TRHDE: variants seen among roughly 807,000 people sequenced by gnomAD.
The protein encoded by TRHDE is thyrotropin releasing hormone degrading enzyme.
In TRHDE, 72 loss-of-function variants were observed where a neutral mutation model predicts 125.7. That is an observed-to-expected ratio of 0.57 (90% CI 0.47 to 0.70). The LOEUF is 0.70. TRHDE is among the 30% of genes least tolerant of loss of function. The pLI is 0.00. For missense variants in TRHDE, 1,110 were observed against 1,327.1 expected, an observed-to-expected ratio of 0.84 and a Z score of 2.54; for synonymous variants, 509 against 509.1, an observed-to-expected ratio of 1.00 and a Z score of 0.00.
intron 2 of TRHDE, among the ~76,000 whole-genome samples, chr12:72,198,844 A>G (rs943627299): frequency 6.6e-6 from 1 of 152,114 alleles, no homozygotes; most frequent in South Asian, 2.1e-4. Flanking sequence ...ATTGACTCAC[A>G]GTTCTGCATG....
chr12:72,372,709 G>A (rs1001007106), intron 2 of TRHDE, among the ~76,000 whole-genome samples: 1 of 152,162 alleles, frequency 6.6e-6, no homozygotes, highest in East Asian at 1.9e-4. Flanking sequence ...TAGATATGCG[G>A]CACTATTTCT....
chr12:72,305,747 A>G (rs1402232836), intron 2 of TRHDE, among the ~76,000 whole-genome samples: 1 of 152,220 alleles, frequency 6.6e-6, no homozygotes, highest in Non-Finnish European at 1.5e-5. Flanking sequence ...TTTATGGTTG[A>G]AGATGTGAAG....
At chr12:72,133,686 A>G (rs1014513455) in intron 2 of TRHDE, among the ~76,000 whole-genome samples, 5 of 152,196 alleles carry the variant, frequency 3.3e-5, no homozygotes, top group African/African-American at 9.6e-5. Context: ...CCCTTGTTGC[A>G]TGCCAAAGGC....
intron 3 of TRHDE, among the ~76,000 whole-genome samples, chr12:72,402,615 A>C (rs1222093637): frequency 6.6e-6 from 1 of 152,210 alleles, no homozygotes; most frequent in African/African-American, 2.4e-5. Flanking sequence ...TATCATCTTA[A>C]GTTGATCCTG....
intron 2 of TRHDE, among the ~76,000 whole-genome samples, chr12:72,238,849 C>T (rs1878417339): frequency 6.6e-6 from 1 of 152,170 alleles, no homozygotes; most frequent in East Asian, 1.9e-4. Context: ...CCACAATAAA[C>T]ATATGTGTGC....
Position 72,530,553 on chromosome 12 carries a change from T to A in TRHDE, c.1723-11738T>A, listed in dbSNP as rs564786182. 5.7e-4 allele frequency among the ~76,000 whole-genome samples: 86 copies of A among 151,328 alleles called. 4 individuals are homozygous for A. In the South Asian group the frequency reaches 0.017, roughly 29 times the overall value. On this transcript the variant is annotated intron_variant, in intron 6 of 18. Coordinates refer to ENST00000261180, the MANE Select transcript of TRHDE (RefSeq NM_013381.3). ...GACCTATTCTTCAGGTTTTTTTTTT[T>A]CTTTTTTTGTCTTCTTCATCTATTC...
intron 2 of TRHDE, among the ~76,000 whole-genome samples, chr12:72,215,751 T>C (rs1339665583): frequency 2.0e-5 from 3 of 152,168 alleles, no homozygotes; most frequent in Non-Finnish European, 4.4e-5. Flanking sequence ...CAATGCCTTG[T>C]AATTCACTGG....
At chr12:72,304,229 T>C (rs1738956023) in intron 2 of TRHDE, among the ~76,000 whole-genome samples, 1 of 152,192 alleles carries the variant, frequency 6.6e-6, no homozygotes, top group African/African-American at 2.4e-5. Flanking sequence ...TTATTGGTAA[T>C]ATGAATGTCA....
At chr12:72,567,313 G>T (rs914583371) in intron 9 of TRHDE, among the ~76,000 whole-genome samples, 1 of 133,580 alleles carries the variant, frequency 7.5e-6, no homozygotes, top group Non-Finnish European at 1.7e-5. Flanking sequence ...CCTCCAAAAT[G>T]TTTTTTTTTC....
At position 72,352,348 on chromosome 12, in the gene TRHDE, T is replaced by G. The variant is rs117903660; in HGVS notation, c.1189-25647T>G. Among the ~76,000 whole-genome samples the G allele has an allele frequency of 6.6e-3, 1,000 of 151,860 alleles. 6 individuals are homozygous for G. Among genetic ancestry groups the G allele is most frequent in the Non-Finnish European group, 0.01 (696 of 67,804 alleles). On this transcript the variant is annotated intron_variant, in intron 2 of 18. Coordinates refer to ENST00000261180, the MANE Select transcript of TRHDE (RefSeq NM_013381.3). ...GTTGATCACCAGAATGCCTTCTCTG[T>G]CAATGTGTGAATTCTTGTATAGATC...
intron 2 of TRHDE, among the ~76,000 whole-genome samples, chr12:72,128,172 C>CG (rs1486983329): frequency 6.6e-6 from 1 of 152,150 alleles, no homozygotes; most frequent in Non-Finnish European, 1.5e-5. Flanking sequence ...ATTGAGTACT[C>CG]GGAAGGGTCT....
chr12:72,517,608 T>C (rs1291739801), intron 6 of TRHDE, among the ~76,000 whole-genome samples: 1 of 152,152 alleles, frequency 6.6e-6, no homozygotes, highest in Non-Finnish European at 1.5e-5. Context: ...CCTGGATTCA[T>C]TAATTTTTTG....
chr12:72,488,254 G>A (rs1462997739), intron 5 of TRHDE, among the ~76,000 whole-genome samples: 2 of 152,058 alleles, frequency 1.3e-5, no homozygotes, highest in Admixed American at 1.3e-4. Flanking sequence ...CCAACTAGAT[G>A]CAGCCTACAA....
intron 15 of TRHDE, among the ~76,000 whole-genome samples, chr12:72,638,403 C>G (rs1302658224): frequency 1.3e-5 from 2 of 152,046 alleles, no homozygotes; most frequent in Non-Finnish European, 2.9e-5. Context: ...TTTGTCTCTG[C>G]ACGTGAGATG....
rs577638947 is a variant in TRHDE at position 72,324,788 on chromosome 12, C to T, written c.1188+37834C>T. On this transcript the variant is annotated intron_variant, in intron 2 of 18. Transcript: ENST00000261180. ...TCTTTGCAGACCTTCATTTTCATCC[C>T]TAGATTTCTGTATCAGAAGGAGGCC... Among the ~76,000 whole-genome samples, 56 of 152,216 alleles carry T rather than the reference C, an allele frequency of 3.7e-4. 1 individual carries two copies. The highest frequency in any genetic ancestry group is 1.3e-3 in the African/African-American group (53 of 41,536).
chr12:72,168,967 A>G (rs1048530114), intron 2 of TRHDE, among the ~76,000 whole-genome samples: 15 of 152,290 alleles, frequency 9.8e-5, no homozygotes, highest in African/African-American at 3.6e-4. Flanking sequence ...AAAATCCTGA[A>G]CTGATTTATT....
At chr12:72,655,054 G>A (rs1051578492) in intron 17 of TRHDE, among the ~76,000 whole-genome samples, 7 of 152,032 alleles carry the variant, frequency 4.6e-5, no homozygotes, top group Admixed American at 3.9e-4. Flanking sequence ...TCAGTGTATG[G>A]ACTAATTTTT....
chr12:72,095,670 A>G (rs1385484664), intron 1 of TRHDE, among the ~76,000 whole-genome samples: 1 of 152,184 alleles, frequency 6.6e-6, no homozygotes, highest in African/African-American at 2.4e-5. Context: ...CTGGTAGGAT[A>G]TTTTCCTGTA....
At chr12:72,492,975 A>G (rs1877749363) in intron 5 of TRHDE, among the ~76,000 whole-genome samples, 1 of 151,916 alleles carries the variant, frequency 6.6e-6, no homozygotes, top group Admixed American at 6.6e-5. Context: ...TTAATGGGCT[A>G]TATGTGTATC....
Sources: allele counts gnomAD v4.1 joint callset (sites outside exome capture counted in the v4.1 genomes callset), GRCh38; gene constraint gnomAD v4.1.1; transcripts MANE v1.5; gene names NCBI Gene and HGNC (gene_info 2026-07-23, HGNC 2026-07-21).